The following SCN9A variants were observed in gnomAD, a reference collection of about 807,000 sequenced individuals.
The protein encoded by SCN9A is sodium voltage-gated channel alpha subunit 9.
A neutral mutation model predicts 187.0 loss-of-function variants in SCN9A; 131 were observed. The ratio of observed to expected loss-of-function variants is 0.70; its 90% CI spans 0.61 to 0.81. The LOEUF (loss-of-function observed/expected upper bound fraction) is 0.81, where lower values mean the gene tolerates loss of function less well. Ranked by LOEUF, SCN9A falls within the 30% of genes least tolerant of loss-of-function variation. The pLI is 0.00. For synonymous variants in SCN9A, 809 were observed against 808.6 expected (o/e 1.00, Z -0.01); for missense variants, 2,252 against 2,396.6 (o/e 0.94, Z 1.26).
At chr2:166,354,091 C>T (rs182251259) in intron 1 of SCN9A, among the ~76,000 whole-genome samples, 1 of 151,682 alleles carries the variant, frequency 6.6e-6, no homozygotes, top group Admixed American at 6.6e-5. Context: ...CCAAGAGCAT[C>T]TTCAAACATT....
At position 166,199,196 on chromosome 2, in the gene SCN9A, T is replaced by G. The variant is rs750503411; in HGVS notation, c.5443A>C (p.Ile1815Leu). The change falls in exon 27 of 27, where the codon ATA becomes CTA. Residue 1815 changes from isoleucine (I) to leucine (L), a missense_variant. By Grantham distance (5) the Ile-to-Leu change is conservative. Coordinates refer to ENST00000642356, the MANE Select transcript of SCN9A (RefSeq NM_001365536.1). Reference protein sequence around the residue: ...FAAALDPPLLIAKPNKVQLIA... With the variant: ...FAAALDPPLLLAKPNKVQLIA... The stretch of plus-strand genomic sequence containing the variant: ...AGCTGGACTTTGTTGGGTTTTGCTA[T>G]GAGAAGAGGAGGATCCAGGGCAGCT... 6.2e-7 allele frequency: 1 copy of G among 1,614,066 alleles called. No individual in the cohort carries two copies. The highest frequency in any genetic ancestry group is 1.3e-5 in the African/African-American group (1 of 74,932).
chr2:166,309,416 G>A (rs1238870460), intron 2 of SCN9A, among the ~76,000 whole-genome samples: 1 of 152,154 alleles, frequency 6.6e-6, no homozygotes, highest in African/African-American at 2.4e-5. Context: ...GCAGATCACT[G>A]TGTCATGTCC....
chr2:166,221,395 A>G (rs192004379), intron 24 of SCN9A, among the ~76,000 whole-genome samples: 34 of 152,238 alleles, frequency 2.2e-4, no homozygotes, highest in African/African-American at 7.9e-4. Flanking sequence ...ACATTTTCTC[A>G]TTTCTTATTT....
chr2:166,278,914 G>T (rs191449789), intron 14 of SCN9A, among the ~76,000 whole-genome samples: 2 of 152,094 alleles, frequency 1.3e-5, no homozygotes, highest in Non-Finnish European at 2.9e-5. Flanking sequence ...AGGCAACACC[G>T]AAATGAATCC....
intron 1 of SCN9A, 69 bp downstream of exon 1, chr2:166,375,628 G>A (rs1700669955): frequency 1.3e-5 from 2 of 152,390 alleles, no homozygotes; most frequent in African/African-American, 2.4e-5. Flanking sequence ...CGGTTGAGGC[G>A]AGCACGGGCG....
At chr2:166,355,462 CT>C (rs1341022120) in intron 1 of SCN9A, among the ~76,000 whole-genome samples, 1 of 151,826 alleles carries the variant, frequency 6.6e-6, no homozygotes, top group Non-Finnish European at 1.5e-5. Context: ...GTCTCTTGAT[CT>C]TTTTTCTATT....
intron 5 of SCN9A, among the ~76,000 whole-genome samples, chr2:166,305,581 A>G (rs972949766): frequency 6.6e-6 from 1 of 152,106 alleles, no homozygotes; most frequent in Non-Finnish European, 1.5e-5. Context: ...ATCAATCTCA[A>G]TGATGTCACA....
chr2:166,352,437 C>T (rs1356676213), intron 1 of SCN9A, among the ~76,000 whole-genome samples: 1 of 152,122 alleles, frequency 6.6e-6, no homozygotes, highest in Admixed American at 6.5e-5. Flanking sequence ...ACAATAAAAG[C>T]AGACTGCAGT....
intron 26 of SCN9A, among the ~76,000 whole-genome samples, chr2:166,202,620 T>C (rs1406101505): frequency 1.3e-5 from 2 of 151,870 alleles, no homozygotes; most frequent in Non-Finnish European, 3.0e-5. Context: ...TGAGAGAAGC[T>C]TATCTAAGTA....
intron 1 of SCN9A, among the ~76,000 whole-genome samples, chr2:166,353,003 G>T (rs1243378548): frequency 9.8e-6 from 1 of 102,228 alleles, no homozygotes; most frequent in Non-Finnish European, 2.0e-5. Context: ...TCTTTCCATT[G>T]TATCTGTTTT....
At chr2:166,342,038 G>C (rs538865759) in intron 1 of SCN9A, among the ~76,000 whole-genome samples, 17 of 152,062 alleles carry the variant, frequency 1.1e-4, no homozygotes, top group Non-Finnish European at 2.5e-4. Flanking sequence ...ATAAATGTTT[G>C]TCAAAATAAT....
At chr2:166,212,900 A>G (rs1379531908) in intron 24 of SCN9A, among the ~76,000 whole-genome samples, 1 of 152,230 alleles carries the variant, frequency 6.6e-6, no homozygotes, top group Non-Finnish European at 1.5e-5. Context: ...GGTCAAAGAA[A>G]AAAAATCAAT....
intron 24 of SCN9A, among the ~76,000 whole-genome samples, chr2:166,225,210 C>T (rs1694793630): frequency 6.6e-6 from 1 of 152,240 alleles, no homozygotes; most frequent in Admixed American, 6.5e-5. Context: ...TTCATTTGCT[C>T]ATTCATTTCT....
intron 6 of SCN9A, chr2:166,303,988 T>G (rs1430171095): frequency 6.4e-7 from 1 of 1,570,346 alleles, no homozygotes. Flanking sequence ...TGTCTTTCTT[T>G]CAAAAGATCA....
intron 1 of SCN9A, among the ~76,000 whole-genome samples, chr2:166,330,493 T>C (rs1237098569): frequency 6.6e-6 from 1 of 152,226 alleles, no homozygotes; most frequent in Non-Finnish European, 1.5e-5. Flanking sequence ...ACATCTAATC[T>C]GCACTTCTAA....
In SCN9A at chr2:166,281,765, T is replaced by C. The variant is rs1433498013; in HGVS notation, c.2018A>G (p.Tyr673Cys). Residue 673 changes from tyrosine (Y) to cysteine (C), a missense_variant, in exon 13 of 27, where the codon TAT becomes TGT. By Grantham distance (194) the Tyr-to-Cys change is radical. Coordinates refer to ENST00000642356, the MANE Select transcript of SCN9A (RefSeq NM_001365536.1). ...QIHKKRRCSSYLLSEDMLNDP... is the reference protein window; with the variant it reads ...QIHKKRRCSSCLLSEDMLNDP... ...ATTCAGCATATCCTCTGAAAGGAGA[T>C]AGGAACTACAACGCCTTTTCTTGTG... is the stretch of plus-strand genomic sequence containing the variant. 5.6e-6 allele frequency: 9 copies of C among 1,613,328 alleles called. No individual in the cohort carries two copies. The Admixed American group carries it at 6.7e-5, about 12-fold the overall frequency.
chr2:166,358,459 C>A (rs1700204621), intron 1 of SCN9A, among the ~76,000 whole-genome samples: 2 of 151,756 alleles, frequency 1.3e-5, no homozygotes, highest in South Asian at 4.2e-4. Context: ...GCCATTTGTG[C>A]TTTTTTTTCT....
chr2:166,239,693 G>A (rs187947558), intron 19 of SCN9A, among the ~76,000 whole-genome samples: 57 of 152,258 alleles, frequency 3.7e-4, no homozygotes, highest in African/African-American at 1.1e-3. Flanking sequence ...CATCTAAACC[G>A]AAACTATGGC....
chr2:166,349,012 C>T (rs1205823462), intron 1 of SCN9A, among the ~76,000 whole-genome samples: 1 of 149,072 alleles, frequency 6.7e-6, no homozygotes, highest in African/African-American at 2.5e-5. Flanking sequence ...CTTATAATCC[C>T]GGCTCCTCGG....
Sources: allele counts gnomAD v4.1 joint callset (sites outside exome capture counted in the v4.1 genomes callset), GRCh38; gene constraint gnomAD v4.1.1; transcripts MANE v1.5; gene names NCBI Gene and HGNC (gene_info 2026-07-23, HGNC 2026-07-21).